The following ULK4 variants were observed in gnomAD, a reference collection of about 807,000 sequenced individuals.
ULK4 encodes the protein inactive serine/threonine-protein kinase ULK4.
Under a neutral mutation model 160.6 loss-of-function variants are expected in ULK4, and 133 were observed. The ratio of observed to expected loss-of-function variants is 0.83; its 90% CI spans 0.72 to 0.96. The LOEUF (loss-of-function observed/expected upper bound fraction) is 0.96. ULK4 is among the 40% of genes least tolerant of loss of function. The pLI is 0.00. For synonymous variants in ULK4, 534 were observed against 539.8 expected, an observed-to-expected ratio of 0.99 and a Z score of 0.15; for missense variants, 1,580 against 1,499.5, an observed-to-expected ratio of 1.05 and a Z score of -0.89.
chr3:41,435,866 G>A (rs1303766717), intron 34 of ULK4, among the ~76,000 whole-genome samples: 3 of 152,140 alleles, frequency 2.0e-5, no homozygotes, highest in Non-Finnish European at 4.4e-5. Context: ...AGAATCAATT[G>A]AACTCTGGGA....
chr3:41,480,926 T>TCC (rs2084303151), intron 32 of ULK4, among the ~76,000 whole-genome samples: 1 of 152,140 alleles, frequency 6.6e-6, no homozygotes, highest in Non-Finnish European at 1.5e-5. Flanking sequence ...GAGATAACTG[T>TCC]CCCCATGATT....
intron 12 of ULK4, among the ~76,000 whole-genome samples, chr3:41,903,590 A>G (rs1315034699): frequency 9.0e-5 from 2 of 22,232 alleles, no homozygotes; most frequent in East Asian, 7.6e-3. Context: ...GTCTCAAAGA[A>G]AAAAAAAAAA....
rs527265555 is a variant in ULK4 at position 41,428,185 on chromosome 3, C to A, written c.3492+27312G>T. ...ATTCACAATTGTTACAAAGAGAATA[C>A]AATACCTAGGAAAACAGTTAACAAA... On this transcript the variant is annotated intron_variant, in intron 34 of 36. Coordinates refer to ENST00000301831, the MANE Select transcript of ULK4 (RefSeq NM_017886.4). Among the ~76,000 whole-genome samples the A allele has an allele frequency of 5.9e-5, 9 of 152,136 alleles. No homozygotes were observed. The South Asian group carries it at 1.9e-3, about 32-fold the overall frequency.
intron 31 of ULK4, among the ~76,000 whole-genome samples, chr3:41,585,810 A>G (rs1476803465): frequency 3.9e-5 from 6 of 152,206 alleles, no homozygotes; most frequent in Admixed American, 2.0e-4. Flanking sequence ...AAAAACTCCT[A>G]TATTTCAATA....
rs924052361 is a variant in ULK4 at position 41,648,719 on chromosome 3, G to A, written c.3071+14888C>T. ...CTTCTCTTCTCCTTTAGGGAATGTTGAGGGAGGAGGGTAGGAATCCCCAAG... is the reference window on the plus strand; with the variant it reads ...CTTCTCTTCTCCTTTAGGGAATGTTAAGGGAGGAGGGTAGGAATCCCCAAG... On this transcript the variant is annotated intron_variant, in intron 30 of 36. Transcript: ENST00000301831. Among the ~76,000 whole-genome samples, 9 of 152,124 alleles carry A rather than the reference G, an allele frequency of 5.9e-5. 1 individual carries two copies. Among genetic ancestry groups the A allele is most frequent in the African/African-American group, 2.2e-4 (9 of 41,438 alleles).
chr3:41,547,482 A>G (rs2086903382), intron 32 of ULK4, among the ~76,000 whole-genome samples: 1 of 152,162 alleles, frequency 6.6e-6, no homozygotes, highest in Non-Finnish European at 1.5e-5. Flanking sequence ...AAGAGATCCC[A>G]GTGGTCCACA....
chr3:41,600,080 T>C (rs2031963796), intron 31 of ULK4, among the ~76,000 whole-genome samples: 1 of 152,142 alleles, frequency 6.6e-6, no homozygotes, highest in African/African-American at 2.4e-5. Flanking sequence ...CCTTCTTTAA[T>C]AGCTTTCCAA....
intron 32 of ULK4, among the ~76,000 whole-genome samples, chr3:41,484,653 CGT>C (rs1278260638): frequency 5.3e-5 from 8 of 151,998 alleles, no homozygotes; most frequent in Non-Finnish European, 7.4e-5. Context: ...GGGGTTTCAC[CGT>C]GTTAGCCAGG....
At chr3:41,704,882 A>G (rs971022543) in intron 27 of ULK4, among the ~76,000 whole-genome samples, 175 bp downstream of exon 27, 22 of 152,154 alleles carry the variant, frequency 1.4e-4, no homozygotes, top group Admixed American at 8.5e-4. Context: ...AACGCCAAGA[A>G]AGTCAACAAA....
Position 41,918,527 on chromosome 3 carries a change from G to A in ULK4, c.657C>T (p.Phe219=). The stretch of plus-strand genomic sequence containing the variant: ...TTAATTCTGAAATACTTTCTGAGAA[G>A]AATGGAGGTTTTCCTGAAATCACAT... ...LYEMFSGKPP[F]FSESISELTE... Residue 219 remains phenylalanine, a synonymous_variant, in exon 7 of 37, where the codon TTC becomes TTT. Coordinates refer to ENST00000301831, the MANE Select transcript of ULK4 (RefSeq NM_017886.4). 1 of 1,569,502 alleles carries A rather than the reference G, an allele frequency of 6.4e-7. No homozygotes were observed. The highest frequency in any genetic ancestry group is 8.6e-7 in the Non-Finnish European group (1 of 1,159,430).
chr3:41,598,817 G>A (rs1013635618), intron 31 of ULK4, among the ~76,000 whole-genome samples: 3 of 152,202 alleles, frequency 2.0e-5, no homozygotes, highest in Non-Finnish European at 4.4e-5. Context: ...TATTATTGCT[G>A]TAACAAATTA....
chr3:41,355,639 T>G (rs896906609), intron 35 of ULK4, among the ~76,000 whole-genome samples: 1 of 152,220 alleles, frequency 6.6e-6, no homozygotes, highest in Admixed American at 6.5e-5. Flanking sequence ...TATATTCTTA[T>G]ACTGCATCAC....
chr3:41,815,725 T>C (rs1253992108), intron 19 of ULK4, among the ~76,000 whole-genome samples: 1 of 152,202 alleles, frequency 6.6e-6, no homozygotes, highest in Non-Finnish European at 1.5e-5. Flanking sequence ...GGCTCCTACC[T>C]TAAATTGGGT....
At chr3:41,928,352 T>C (rs1699457469) in intron 5 of ULK4, among the ~76,000 whole-genome samples, 1 of 152,150 alleles carries the variant, frequency 6.6e-6, no homozygotes. Flanking sequence ...GCTAAAGCAG[T>C]GTGTAGAGGG....
At position 41,915,971 on chromosome 3, in the gene ULK4, C is replaced by T. The variant is rs1698954058; in HGVS notation, c.803+6G>A. On this transcript the variant is annotated splice_donor_region_variant and intron_variant, in intron 8 of 36. Coordinates refer to ENST00000301831, the MANE Select transcript of ULK4 (RefSeq NM_017886.4). ...AAAGAAAAAAAGATCGAACTACTGT[C>T]CCTACCTTTTCTGAGGATCTCTTTG... The T allele has an allele frequency of 1.9e-6, 3 of 1,579,870 alleles. No individual in the cohort carries two copies. Among genetic ancestry groups the T allele is most frequent in the Non-Finnish European group, 2.6e-6 (3 of 1,165,628 alleles).
intron 32 of ULK4, among the ~76,000 whole-genome samples, chr3:41,476,551 G>A (rs1197770411): frequency 1.3e-5 from 2 of 152,118 alleles, no homozygotes; most frequent in Non-Finnish European, 2.9e-5. Flanking sequence ...CCACGAAGAA[G>A]GCTTGTAACA....
At chr3:41,356,830 G>C (rs922353955) in intron 35 of ULK4, among the ~76,000 whole-genome samples, 4 of 152,152 alleles carry the variant, frequency 2.6e-5, no homozygotes, top group Admixed American at 6.5e-5. Flanking sequence ...AGGAGTGAAG[G>C]GAAGAGGGAA....
At chr3:41,851,944 A>T (rs2042225122) in intron 17 of ULK4, among the ~76,000 whole-genome samples, 1 of 152,200 alleles carries the variant, frequency 6.6e-6, no homozygotes, top group Admixed American at 6.5e-5. Flanking sequence ...CTTCAAAAAA[A>T]TCAACGAATC....
chr3:41,935,377 C>T (rs1005637647), intron 4 of ULK4, among the ~76,000 whole-genome samples: 2 of 151,954 alleles, frequency 1.3e-5, no homozygotes, highest in Non-Finnish European at 2.9e-5. Flanking sequence ...CAGGAGCGCA[C>T]CACCACGCCC....
Sources: gnomAD v4.1 joint callset for allele counts (sites outside exome capture counted in the v4.1 genomes callset) on GRCh38, gnomAD v4.1.1 for gene constraint, MANE v1.5 for transcripts, NCBI Gene and HGNC (gene_info 2026-07-23, HGNC 2026-07-21) for gene names.